The following TARP variants were observed in gnomAD, a reference collection of about 807,000 sequenced individuals.
At chr7:38,265,505 C>A in the TARP span, 2 of 1,612,126 alleles carry the variant, frequency 1.2e-6, no homozygotes, top group South Asian at 2.2e-5. Context: ...GTGTTCCCCT[C>A]CTGGGATCCC....
At chr7:38,264,339 T>C in the TARP span, among the ~76,000 whole-genome samples, 1 of 151,706 alleles carries the variant, frequency 6.6e-6, no homozygotes, top group Non-Finnish European at 1.5e-5. Context: ...ACGCCCATAA[T>C]CCCAGCACTT....
At chr7:38,268,050 T>C in the TARP span, among the ~76,000 whole-genome samples, 2,017 of 151,458 alleles carry the variant, frequency 0.013, 23 homozygotes, top group Non-Finnish European at 0.022. Flanking sequence ...ATAGCATACT[T>C]GATTACACAT....
the TARP span, among the ~76,000 whole-genome samples, chr7:38,270,201 T>G: frequency 6.6e-6 from 1 of 152,056 alleles, no homozygotes; most frequent in Non-Finnish European, 1.5e-5. Context: ...TGACATGACA[T>G]TTTAACCCTA....
At chr7:38,262,183 T>A in the TARP span, 1 of 1,612,540 alleles carries the variant, frequency 6.2e-7, no homozygotes, top group Non-Finnish European at 8.5e-7. Flanking sequence ...TTTGCATCTT[T>A]TGAACAATTG....
chr7:38,272,735 G>A, the TARP span, among the ~76,000 whole-genome samples: 18 of 149,886 alleles, frequency 1.2e-4, no homozygotes, highest in Admixed American at 1.1e-3. Flanking sequence ...TCCAGGAGTC[G>A]AGAAACAAAG....
the TARP span, among the ~76,000 whole-genome samples, chr7:38,266,014 C>T: frequency 6.6e-6 from 1 of 151,184 alleles, no homozygotes; most frequent in African/African-American, 2.4e-5. Flanking sequence ...AGTTCATGAG[C>T]ATATTTATTT....
At chr7:38,266,789 G>A in the TARP span, among the ~76,000 whole-genome samples, 2 of 151,848 alleles carry the variant, frequency 1.3e-5, no homozygotes, top group Non-Finnish European at 2.9e-5. Flanking sequence ...GTTTTGGGAT[G>A]CAGCAGTATT....
the TARP span, among the ~76,000 whole-genome samples, chr7:38,266,004 A>C: frequency 1.8e-3 from 251 of 142,704 alleles, no homozygotes; most frequent in African/African-American, 5.8e-3. Flanking sequence ...GGGCTTCCAA[A>C]GTTCATGAGC....
At chr7:38,262,253 CGTGT>C in the TARP span, 6 of 1,488,152 alleles carry the variant, frequency 4.0e-6, no homozygotes, top group African/African-American at 2.8e-5. Context: ...GTCAATTGTT[CGTGT>C]GTGTGTGTGT....
the TARP span, chr7:38,259,775 A>G: frequency 3.6e-6 from 1 of 277,952 alleles, no homozygotes; most frequent in Non-Finnish European, 6.7e-6. Context: ...AAGAACACTA[A>G]GAGAGGGACA....
chr7:38,271,549 A>C, the TARP span, among the ~76,000 whole-genome samples: 1 of 119,166 alleles, frequency 8.4e-6, no homozygotes, highest in Non-Finnish European at 2.0e-5. Context: ...TGGTAAAAGG[A>C]AAAAAAAAGG....
At chr7:38,265,219 T>A in the TARP span, 2 of 747,672 alleles carry the variant, frequency 2.7e-6, no homozygotes, top group Non-Finnish European at 4.2e-6. Context: ...TAGCAGGGCA[T>A]TTATGCTACC....
At chr7:38,266,306 C>CA in the TARP span, among the ~76,000 whole-genome samples, 1 of 149,442 alleles carries the variant, frequency 6.7e-6, no homozygotes, top group African/African-American at 2.4e-5. Context: ...GAATCAATGT[C>CA]AAAATTTTTG....
the TARP span, among the ~76,000 whole-genome samples, chr7:38,272,938 A>AT: frequency 6.6e-6 from 1 of 151,264 alleles, no homozygotes; most frequent in African/African-American, 2.4e-5. Flanking sequence ...AACTGCTTTC[A>AT]TTTTTTCCGA....
the TARP span, chr7:38,259,860 G>A: frequency 1.0e-5 from 5 of 489,176 alleles, no homozygotes; most frequent in Non-Finnish European, 1.8e-5. Context: ...GGAAAACATG[G>A]AGAGATTGGT....
At chr7:38,269,040 A>T in the TARP span, among the ~76,000 whole-genome samples, 2 of 151,794 alleles carry the variant, frequency 1.3e-5, no homozygotes, top group Non-Finnish European at 2.9e-5. Context: ...CCAGAGAATA[A>T]TCACTCAATT....
chr7:38,267,077 GAGA>G, the TARP span, among the ~76,000 whole-genome samples: 1 of 151,438 alleles, frequency 6.6e-6, no homozygotes, highest in East Asian at 1.9e-4. Flanking sequence ...CCCCATTAAT[GAGA>G]AGGTCTGTGT....
At chr7:38,265,278 T>C in the TARP span, 3 of 1,158,046 alleles carry the variant, frequency 2.6e-6, no homozygotes, top group South Asian at 4.5e-5. Context: ...TTTTCATTAA[T>C]ACTGAAAGGA....
chr7:38,265,184 A>G, the TARP span, among the ~76,000 whole-genome samples: 1 of 151,184 alleles, frequency 6.6e-6, no homozygotes, highest in East Asian at 1.9e-4. Context: ...TCCAAAACCT[A>G]TACCATTTTA....
Sources: gnomAD v4.1 joint callset for allele counts (sites outside exome capture counted in the v4.1 genomes callset) on GRCh38, gnomAD v4.1.1 for gene constraint, MANE v1.5 for transcripts.